The following PIK3C3 variants were observed in gnomAD, a reference collection of about 807,000 sequenced individuals.
PIK3C3 encodes PI3-kinase type 3.
Under a neutral mutation model 126.1 loss-of-function variants are expected in PIK3C3, and 95 were observed. That is an observed-to-expected ratio of 0.75 (90% CI 0.64 to 0.89). The LOEUF (loss-of-function observed/expected upper bound fraction) is 0.89. Ranked by LOEUF, PIK3C3 falls within the 40% of genes least tolerant of loss-of-function variation. The pLI, the probability that PIK3C3 is intolerant of heterozygous loss-of-function variation, is 0.00. For missense variants in PIK3C3, 829 were observed against 1,063.2 expected (o/e 0.78, Z 3.06); for synonymous variants, 374 against 360.0 (o/e 1.04, Z -0.44).
intron 3 of PIK3C3, among the ~76,000 whole-genome samples, chr18:41,965,091 C>T (rs1013564867): frequency 6.6e-6 from 1 of 152,138 alleles, no homozygotes; most frequent in Non-Finnish European, 1.5e-5. Context: ...GTGTTTACCC[C>T]TTATTTTTTG....
Position 42,011,587 on chromosome 18 carries a change from T to C in PIK3C3, c.1171-1855T>C, listed in dbSNP as rs1598893894. ...TCTACCCAGACCACCAAAACTTCTA[T>C]ATCAGCAATAAGGGTGTTTACCTTT... On this transcript the variant is annotated intron_variant, in intron 10 of 24. Transcript: ENST00000262039. Among the ~76,000 whole-genome samples, 6 of 152,312 alleles carry C rather than the reference T, an allele frequency of 3.9e-5. 1 individual carries two copies. Among genetic ancestry groups the C allele is most frequent in the Admixed American group, 3.9e-4 (6 of 15,288 alleles).
intron 24 of PIK3C3, among the ~76,000 whole-genome samples, chr18:42,069,585 A>T (rs1985692026): frequency 1.3e-5 from 2 of 152,130 alleles, no homozygotes; most frequent in Non-Finnish European, 2.9e-5. Flanking sequence ...TCAACTAGTT[A>T]AAACATGCTT....
chr18:42,040,093 G>T (rs1984237660), intron 18 of PIK3C3, among the ~76,000 whole-genome samples: 2 of 137,508 alleles, frequency 1.5e-5, no homozygotes, highest in African/African-American at 5.5e-5. Flanking sequence ...TTATGTTTCT[G>T]TTGTCTTCAG....
chr18:41,965,327 A>T (rs866258104), intron 3 of PIK3C3, among the ~76,000 whole-genome samples: 54 of 152,252 alleles, frequency 3.5e-4, no homozygotes, highest in Middle Eastern at 3.4e-3. Flanking sequence ...GTTTCAGAGG[A>T]TTTTCTGACT....
chr18:42,058,268 T>C (rs1387218974), intron 22 of PIK3C3, among the ~76,000 whole-genome samples: 1 of 152,176 alleles, frequency 6.6e-6, no homozygotes, highest in Non-Finnish European at 1.5e-5. Context: ...CACTATCTTA[T>C]TACTATATCC....
At chr18:42,065,390 A>G (rs1411603630) in intron 23 of PIK3C3, among the ~76,000 whole-genome samples, 3 of 152,246 alleles carry the variant, frequency 2.0e-5, no homozygotes, top group African/African-American at 7.2e-5. Flanking sequence ...TAGGACTATC[A>G]ATAGAGACAT....
At position 42,082,463 on chromosome 18, in the gene PIK3C3, A is replaced by G. The variant is rs574617706; in HGVS notation, c.*1326A>G. On this transcript the variant is annotated 3_prime_UTR_variant, in exon 25 of 25. Coordinates refer to ENST00000262039, the MANE Select transcript of PIK3C3 (RefSeq NM_002647.4). ...CCTGCTGATTAGAAAAATGGTAAAA[A>G]TGAAAATACCTTTGTACATCATCTT... 5.9e-5 allele frequency: 9 copies of G among 152,356 alleles called. No homozygotes were observed. In the East Asian group the frequency reaches 1.7e-3, roughly 29 times the overall value. The allele number at this position is 152,356 out of a possible 1,614,324, so 9.4% of individuals were successfully genotyped here.
rs1479075546 is a variant in PIK3C3 at position 42,013,503 on chromosome 18, T to C, written c.1232T>C (p.Ile411Thr). Residue 411 changes from isoleucine to threonine, a missense_variant, in exon 11 of 25, where the codon ATA (isoleucine) becomes ACA (threonine). Physicochemically the swap from Ile to Thr is moderately conservative, Grantham distance 89. This residue lies in a region of PIK3C3 where 256 missense variants were observed against 291.0 expected (regional missense o/e 0.88). Coordinates refer to ENST00000262039, the MANE Select transcript of PIK3C3 (RefSeq NM_002647.4). ...CTCAAATATGAAAATTTTGATGATA[T>C]AAAGAATGGATTGGAACCTACCAAG... is the stretch of plus-strand genomic sequence containing the variant. The part of the protein sequence containing the change: ...QALKYENFDD[I>T]KNGLEPTKKD... The C allele has an allele frequency of 2.5e-6, 4 of 1,592,506 alleles. No individual in the cohort carries two copies. In the African/African-American group the frequency reaches 4.1e-5, roughly 16 times the overall value.
chr18:41,968,679 A>G (rs574814751), intron 3 of PIK3C3, among the ~76,000 whole-genome samples: 1 of 152,312 alleles, frequency 6.6e-6, no homozygotes, highest in South Asian at 2.1e-4. Flanking sequence ...ACTTATACAC[A>G]TTATATAATG....
intron 13 of PIK3C3, among the ~76,000 whole-genome samples, chr18:42,024,806 T>C (rs1277803129): frequency 1.3e-4 from 20 of 151,084 alleles, no homozygotes; most frequent in Admixed American, 1.3e-3. Flanking sequence ...TTTTTTCTTT[T>C]TTTTTTCTTT....
intron 2 of PIK3C3, among the ~76,000 whole-genome samples, chr18:41,961,763 C>T (rs1435528158): frequency 6.6e-6 from 1 of 151,700 alleles, no homozygotes; most frequent in Non-Finnish European, 1.5e-5. Context: ...CAAATGAATA[C>T]AGTGTGAAAT....
chr18:42,002,912 T>C (rs1982358197), intron 9 of PIK3C3, among the ~76,000 whole-genome samples: 1 of 152,172 alleles, frequency 6.6e-6, no homozygotes, highest in African/African-American at 2.4e-5. Context: ...GAGATTAGTG[T>C]TGTCAGAGTA....
intron 9 of PIK3C3, among the ~76,000 whole-genome samples, chr18:41,997,958 C>T (rs1294397597): frequency 1.3e-5 from 2 of 152,230 alleles, no homozygotes; most frequent in African/African-American, 4.8e-5. Flanking sequence ...AATATCTGTT[C>T]AGGAAGCTGT....
At chr18:42,001,519 G>C (rs2144376274) in intron 9 of PIK3C3, among the ~76,000 whole-genome samples, 1 of 152,180 alleles carries the variant, frequency 6.6e-6, no homozygotes, top group Middle Eastern at 3.4e-3. Flanking sequence ...CATTTAAAAA[G>C]GCCATTATTA....
rs1983931127 is a variant in PIK3C3 at position 42,033,810 on chromosome 18, T to G, written c.1708-16T>G. On this transcript the variant is annotated splice_polypyrimidine_tract_variant and intron_variant, in intron 15 of 24. Transcript: ENST00000262039. Reference sequence around the variant, plus strand: ...CTTCTATTTTAACCTCATTAATCCTTTCTGATTTGTTCTAGAATGAGAGAC... The same window carrying G: ...CTTCTATTTTAACCTCATTAATCCTGTCTGATTTGTTCTAGAATGAGAGAC... 1.9e-6 allele frequency: 3 copies of G among 1,574,948 alleles called. No individual in the cohort carries two copies. Among genetic ancestry groups the G allele is most frequent in the Non-Finnish European group, 2.6e-6 (3 of 1,156,668 alleles).
chr18:41,984,422 T>C (rs1005659155), intron 4 of PIK3C3, among the ~76,000 whole-genome samples: 2 of 152,122 alleles, frequency 1.3e-5, no homozygotes, highest in Admixed American at 6.6e-5. Flanking sequence ...TGTTACAACT[T>C]ACATAGTGCT....
At chr18:42,065,566 C>T (rs1985500913) in intron 23 of PIK3C3, among the ~76,000 whole-genome samples, 1 of 152,230 alleles carries the variant, frequency 6.6e-6, no homozygotes, top group Non-Finnish European at 1.5e-5. Flanking sequence ...TCCACAGCTT[C>T]ACTGCCTGTG....
At position 41,955,286 on chromosome 18, in the gene PIK3C3, G is replaced by A; in HGVS notation, c.-6G>A. ...CGCTGTAGGTGGTACCTTTGCAGAC[G>A]GTGCGATGGGGGAAGCAGAGAAGTT... On this transcript the variant is annotated 5_prime_UTR_variant, in exon 1 of 25. Coordinates refer to ENST00000262039, the MANE Select transcript of PIK3C3 (RefSeq NM_002647.4). The A allele has an allele frequency of 6.2e-7, 1 of 1,612,044 alleles. No homozygotes were observed. The highest frequency in any genetic ancestry group is 2.2e-5 in the East Asian group (1 of 44,696).
At chr18:42,061,935 G>A (rs902453378) in intron 22 of PIK3C3, among the ~76,000 whole-genome samples, 26 of 151,166 alleles carry the variant, frequency 1.7e-4, no homozygotes, top group Admixed American at 1.6e-3. Context: ...CATTGATCCT[G>A]GCTGCCCGTT....
Sources: allele counts gnomAD v4.1 joint callset (sites outside exome capture counted in the v4.1 genomes callset), GRCh38; gene constraint gnomAD v4.1.1; regional missense constraint gnomAD v4.1.1; transcripts MANE v1.5; gene names NCBI Gene and HGNC (gene_info 2026-07-23, HGNC 2026-07-21).